The following MMP9 variants were observed in gnomAD, a reference collection of about 807,000 sequenced individuals.
MMP9 encodes matrix metallopeptidase 9.
In MMP9, 73 loss-of-function variants were observed where a neutral mutation model predicts 76.4. The ratio of observed to expected loss-of-function variants is 0.96; its 90% CI spans 0.79 to 1.16. The LOEUF is 1.16. MMP9 is among the 50% of genes most tolerant of loss of function. MMP9 has a pLI of 0.00. For missense variants in MMP9, 943 were observed against 973.0 expected (o/e 0.97, Z 0.41); for synonymous variants, 412 against 408.4 (o/e 1.01, Z -0.11).
chr20:46,012,403 G>C (rs536902252), intron 7 of MMP9, 24 bp from the exon 8 acceptor site: 1 of 1,613,876 alleles, frequency 6.2e-7, no homozygotes. Context: ...CGGCGCTCAC[G>C]TCTCAGGCTC....
rs768898768 is a variant in MMP9 at position 46,010,937 on chromosome 20, A to G, written c.536A>G (p.Tyr179Cys). 1.6e-5 allele frequency: 26 copies of G among 1,614,112 alleles called. No homozygotes were observed. The highest frequency in any genetic ancestry group is 2.2e-5 in the Non-Finnish European group (26 of 1,180,048). Residue 179 changes from tyrosine (Y) to cysteine (C), a missense_variant, in exon 4 of 13, where the codon TAT becomes TGT. Transcript: ENST00000372330. Reference protein sequence around the residue: ...QFGVAEHGDGYPFDGKDGLLA... With the variant: ...QFGVAEHGDGCPFDGKDGLLA... ...GTTTCTTCAGAGCACGGAGACGGGT[A>G]TCCCTTCGACGGGAAGGACGGGCTC...
chr20:46,010,385 G>A, intron 2 of MMP9, 98 bp from the exon 3 acceptor site: 1 of 1,317,338 alleles, frequency 7.6e-7, no homozygotes, highest in South Asian at 1.2e-5. Context: ...ACGGCAGAGA[G>A]CATTGTGTAT....
In MMP9 at chr20:46,013,796, G is replaced by C. The variant is rs1302305656; in HGVS notation, c.1750G>C (p.Gly584Arg). ...RLSKKLFFFS[G>R]RQVWVYTGAS... is the part of the protein sequence containing the mutation. ...CTCCAAGAAGCTTTTCTTCTTCTCTGGTTAGTTACCTACTTTCCCTCCCCC... is the reference window on the plus strand; with the variant it reads ...CTCCAAGAAGCTTTTCTTCTTCTCTCGTTAGTTACCTACTTTCCCTCCCCC... Residue 584 changes from glycine (G) to arginine (R), a missense_variant and splice_region_variant, in exon 10 of 13, where the codon GGG (glycine) becomes CGG (arginine). By Grantham distance (125) the Gly-to-Arg change is moderately radical. Transcript: ENST00000372330. This position sits in a 1 kb window ranked among gnomAD's most constrained non-coding sequence, Gnocchi z 4.5. 6.2e-7 allele frequency: 1 copy of C among 1,612,506 alleles called. No homozygotes were observed. Among genetic ancestry groups the C allele is most frequent in the South Asian group, 1.1e-5 (1 of 90,964 alleles).
chr20:46,015,718 TG>T (rs2084316770), intron 12 of MMP9, among the ~76,000 whole-genome samples: 1 of 152,210 alleles, frequency 6.6e-6, no homozygotes, highest in Non-Finnish European at 1.5e-5. Flanking sequence ...CCCAAAGTGC[TG>T]GGATTACAGG....
chr20:46,013,343 C>CA lies in MMP9; in HGVS notation c.1420dup (p.Thr474AsnfsTer71), dbSNP rs765108149. 89 of 1,613,382 alleles carry CA rather than the reference C, an allele frequency of 5.5e-5. 1 individual carries two copies. Among genetic ancestry groups the CA allele is most frequent in the Non-Finnish European group, 7.0e-5 (83 of 1,179,604 alleles). On this transcript the variant is annotated frameshift_variant, in exon 9 of 13. Coordinates refer to ENST00000372330, the MANE Select transcript of MMP9 (RefSeq NM_004994.3). LOFTEE classifies it high-confidence loss of function. The surrounding 1 kb of genome is among the most constrained non-coding windows in gnomAD (Gnocchi z 4.5). ...CGACGGTCTGCCCCACCGGACCCCC[C>CA]ACTGTCCACCCCTCAGAGCGCCCCA...
In MMP9 at chr20:46,013,216, G is replaced by C; in HGVS notation, c.1331-39G>C. 6.2e-7 allele frequency: 1 copy of C among 1,613,342 alleles called. No homozygotes were observed. Among genetic ancestry groups the C allele is most frequent in the South Asian group, 1.1e-5 (1 of 91,060 alleles). ...AGATGTTCTAGGGGTACAGAGGTATGCAGGAATAGGAAGAGTCTCACCCCG... is the reference window on the plus strand; with the variant it reads ...AGATGTTCTAGGGGTACAGAGGTATCCAGGAATAGGAAGAGTCTCACCCCG... On this transcript the variant is annotated intron_variant, in intron 8 of 12. Coordinates refer to ENST00000372330, the MANE Select transcript of MMP9 (RefSeq NM_004994.3). The surrounding 1 kb of genome is among the most constrained non-coding windows in gnomAD (Gnocchi z 4.5).
At chr20:46,011,779 C>A in intron 6 of MMP9, 32 bp downstream of exon 6, 1 of 1,592,832 alleles carries the variant, frequency 6.3e-7, no homozygotes, top group East Asian at 2.3e-5. Context: ...GGTTCAGCCC[C>A]GCCCTCTCAT....
chr20:46,016,428 G>T lies in MMP9; in HGVS notation c.*60G>T. The stretch of plus-strand genomic sequence containing the variant: ...CCCCACTGGGACCAACCCTGGGGAA[G>T]GAGCCAGTTTGCCGGATACAAACTG... On this transcript the variant is annotated 3_prime_UTR_variant, in exon 13 of 13. Coordinates refer to ENST00000372330, the MANE Select transcript of MMP9 (RefSeq NM_004994.3). 2.9e-6 allele frequency: 4 copies of T among 1,389,978 alleles called. No homozygotes were observed. Among genetic ancestry groups the T allele is most frequent in the Non-Finnish European group, 4.1e-6 (4 of 975,942 alleles). The allele number at this position is 1,389,978 out of a possible 1,614,324, so 86.1% of individuals were successfully genotyped here. A position where few individuals can be genotyped will look rare whatever the true frequency, so the allele number is the denominator to read the frequency against.
At chr20:46,012,740 C>G (rs1408197337) in intron 8 of MMP9, among the ~76,000 whole-genome samples, 158 bp downstream of exon 8, 1 of 152,098 alleles carries the variant, frequency 6.6e-6, no homozygotes, top group Non-Finnish European at 1.5e-5. Flanking sequence ...CAGTCGCTGC[C>G]ATGTCAGTGC....
At position 46,014,108 on chromosome 20, in the gene MMP9, C is replaced by T. The variant is rs200100975; in HGVS notation, c.1751-16C>T. 1.3e-6 allele frequency: 2 copies of T among 1,534,440 alleles called. No individual in the cohort carries two copies. The highest frequency in any genetic ancestry group is 1.4e-5 in the African/African-American group (1 of 72,980). On this transcript the variant is annotated splice_polypyrimidine_tract_variant and intron_variant, in intron 10 of 12. Coordinates refer to ENST00000372330, the MANE Select transcript of MMP9 (RefSeq NM_004994.3). ...CCTCTGCGCCCCCAAACCGACGTGA[C>T]CCTCCTCCCCTGCAGGGCGCCAGGT...
chr20:46,014,448 A>C lies in MMP9; in HGVS notation c.1979A>C (p.Asp660Ala). 1 of 1,550,514 alleles carries C rather than the reference A, an allele frequency of 6.4e-7. No homozygotes were observed. The highest frequency in any genetic ancestry group is 1.2e-5 in the South Asian group (1 of 84,056). ...CGGATGTTCCCCGGGGTGCCTTTGG[A>C]CACGCACGACGTCTTCCAGTACCGA... ...VDRMFPGVPLDTHDVFQYREK... is the reference protein window; with the variant it reads ...VDRMFPGVPLATHDVFQYREK... The change falls in exon 12 of 13, where the codon GAC becomes GCC. Residue 660 changes from aspartate to alanine, a missense_variant. Physicochemically the swap from Asp to Ala is moderately radical, Grantham distance 126. Transcript: ENST00000372330.
At position 46,012,146 on chromosome 20, in the gene MMP9, C is replaced by G. The variant is rs764068837; in HGVS notation, c.1007C>G (p.Thr336Arg). The G allele has an allele frequency of 6.2e-7, 1 of 1,614,002 alleles. No individual in the cohort carries two copies. Among genetic ancestry groups the G allele is most frequent in the Non-Finnish European group, 8.5e-7 (1 of 1,179,990 alleles). Residue 336 changes from threonine (T) to arginine (R), a missense_variant, in exon 7 of 13, where the codon ACG (threonine) becomes AGG (arginine). Thr to Arg is a moderately conservative substitution (Grantham distance 71, BLOSUM62 -1). Transcript: ENST00000372330. ...FGFCPTRADS[T>R]VMGGNSAGEL... The stretch of plus-strand genomic sequence containing the variant: ...CCTTGGGTCTCTCCAGCTGACTCGA[C>G]GGTGATGGGGGGCAACTCGGCGGGG...
chr20:46,009,852 C>T lies in MMP9; in HGVS notation c.139-14C>T, dbSNP rs937564764. 1.9e-6 allele frequency: 3 copies of T among 1,549,738 alleles called. No homozygotes were observed. The highest frequency in any genetic ancestry group is 2.7e-5 in the African/African-American group (2 of 72,992). On this transcript the variant is annotated splice_polypyrimidine_tract_variant and intron_variant, in intron 1 of 12. Transcript: ENST00000372330. ...GGTCAGAGATCTGGCATGTGTGTGTCCCTTCATCCACAGGAATACCTGTAC... is the reference window on the plus strand; with the variant it reads ...GGTCAGAGATCTGGCATGTGTGTGTTCCTTCATCCACAGGAATACCTGTAC...
chr20:46,009,759 A>G, intron 1 of MMP9, 107 bp from the exon 2 acceptor site: 2 of 1,000,254 alleles, frequency 2.0e-6, no homozygotes, highest in South Asian at 1.4e-5. Flanking sequence ...CCGAAAAAGA[A>G]AAAGAAAAAA....
intron 1 of MMP9, among the ~76,000 whole-genome samples, 164 bp from the exon 2 acceptor site, chr20:46,009,702 C>A (rs939040146): frequency 5.3e-5 from 8 of 152,022 alleles, no homozygotes; most frequent in Admixed American, 4.6e-4. Context: ...ATGGGAGGAT[C>A]GCTTGAGTCC....
In MMP9 at chr20:46,016,298, G is replaced by A. The variant is rs772727216; in HGVS notation, c.2054G>A (p.Arg685Gln). 13 of 1,614,098 alleles carry A rather than the reference G, an allele frequency of 8.1e-6. No homozygotes were observed. The highest frequency in any genetic ancestry group is 6.6e-5 in the South Asian group (6 of 91,080). ...CGCTTCTACTGGCGCGTGAGTTCCC[G>A]GAGTGAGTTGAACCAGGTGGACCAA... is the stretch of plus-strand genomic sequence containing the variant. Reference protein sequence around the residue: ...QDRFYWRVSSRSELNQVDQVG... With the variant: ...QDRFYWRVSSQSELNQVDQVG... Residue 685 changes from arginine (R) to glutamine (Q), a missense_variant, in exon 13 of 13, where the codon CGG becomes CAG. Coordinates refer to ENST00000372330, the MANE Select transcript of MMP9 (RefSeq NM_004994.3).
At position 46,011,123 on chromosome 20, in the gene MMP9, G is replaced by C; in HGVS notation, c.650-20G>C. ...ACTCATCACCCGCCGCCCTAACTCC[G>C]GTCCCCCCTCCTCCTGCAGTGGTTC... is the stretch of plus-strand genomic sequence containing the variant. On this transcript the variant is annotated intron_variant, in intron 4 of 12. Transcript: ENST00000372330. The C allele has an allele frequency of 6.2e-7, 1 of 1,613,972 alleles. No individual in the cohort carries two copies. Among genetic ancestry groups the C allele is most frequent in the Non-Finnish European group, 8.5e-7 (1 of 1,180,020 alleles).
rs1246235879 is a variant in MMP9 at position 46,013,292 on chromosome 20, C to A, written c.1368C>A (p.Thr456=). The change falls in exon 9 of 13, where the codon ACC becomes ACA. Residue 456 remains threonine, a synonymous_variant. Coordinates refer to ENST00000372330, the MANE Select transcript of MMP9 (RefSeq NM_004994.3). This position sits in a 1 kb window ranked among gnomAD's most constrained non-coding sequence, Gnocchi z 4.5. ...AACCTGAGCCACGGCCTCCAACCAC[C>A]ACCACACCGCAGCCCACGGCTCCCC... The part of the protein sequence containing the change: ...RPEPEPRPPT[T]TTPQPTAPPT... 2.5e-6 allele frequency: 4 copies of A among 1,614,070 alleles called. No homozygotes were observed. In the South Asian group the frequency reaches 4.4e-5, roughly 18 times the overall value.
chr20:46,015,633 AG>A (rs1202073646), intron 12 of MMP9, among the ~76,000 whole-genome samples: 4 of 151,712 alleles, frequency 2.6e-5, no homozygotes, highest in African/African-American at 9.7e-5. Flanking sequence ...TGTATTTTTT[AG>A]TAGAGACGGG....
Sources: gnomAD v4.1 joint callset for allele counts (sites outside exome capture counted in the v4.1 genomes callset) on GRCh38, gnomAD v4.1.1 for gene constraint, Gnocchi (gnomAD v3.1) non-coding constraint, MANE v1.5 for transcripts, NCBI Gene and HGNC (gene_info 2026-07-23, HGNC 2026-07-21) for gene names.